Variants in RBFOX1 observed in about 807,000 individuals in gnomAD.
RBFOX1 encodes the protein RNA binding fox-1 homolog 1.
In RBFOX1, 8 loss-of-function variants were observed where a neutral mutation model predicts 57.7. The ratio of observed to expected loss-of-function variants is 0.14; its 90% confidence interval spans 0.08 to 0.25. RBFOX1 has a LOEUF of 0.25. Ranked by LOEUF, RBFOX1 falls within the 10% of genes least tolerant of loss-of-function variation. RBFOX1 has a pLI of 1.00. For synonymous variants in RBFOX1, 326 were observed against 222.4 expected (o/e 1.47, Z -4.15); for missense variants, 611 against 548.5 (o/e 1.11, Z -1.14).
chr16:5,665,900 G>A (rs2049828236), intron 3 of RBFOX1, among the ~76,000 whole-genome samples: 1 of 152,220 alleles, frequency 6.6e-6, no homozygotes, highest in African/African-American at 2.4e-5. Context: ...GCTTCTGAGA[G>A]GCATCTGCTG....
In RBFOX1 at chr16:5,994,773, C is replaced by A. The variant is rs373035120; in HGVS notation, c.351+127438C>A. On this transcript the variant is annotated intron_variant, in intron 4 of 19. Transcript: ENST00000641259. ...GTAGTTTGATGAGCCCTACTCCACACCACAAATTCCTCCTGGGCAAGTCTC... is the reference window on the plus strand; with the variant it reads ...GTAGTTTGATGAGCCCTACTCCACAACACAAATTCCTCCTGGGCAAGTCTC... Among the ~76,000 whole-genome samples the A allele has an allele frequency of 9.2e-5, 14 of 152,322 alleles. No individual in the cohort carries two copies. The South Asian group carries it at 1.0e-3, about 11-fold the overall frequency.
intron 1 of RBFOX1, among the ~76,000 whole-genome samples, chr16:6,213,288 A>G (rs1268050537): frequency 6.6e-6 from 1 of 152,140 alleles, no homozygotes; most frequent in African/African-American, 2.4e-5. Context: ...ATAGGCTGTC[A>G]TGCTTCATTG....
chr16:5,619,450 T>G (rs2048139786), intron 3 of RBFOX1, among the ~76,000 whole-genome samples: 1 of 152,168 alleles, frequency 6.6e-6, no homozygotes, highest in African/African-American at 2.4e-5. Flanking sequence ...TTTTATGACC[T>G]CATCTCTCGC....
At chr16:7,161,698 G>C (rs1303203778) in intron 4 of RBFOX1, among the ~76,000 whole-genome samples, 1 of 152,144 alleles carries the variant, frequency 6.6e-6, no homozygotes, top group Non-Finnish European at 1.5e-5. Flanking sequence ...TTTCTAGTGA[G>C]GGTTTCTGTC....
intron 10 of RBFOX1, among the ~76,000 whole-genome samples, chr16:7,618,621 C>T (rs2058835656): frequency 6.6e-6 from 1 of 151,944 alleles, no homozygotes; most frequent in African/African-American, 2.4e-5. Context: ...TTGTTCTTTT[C>T]AAAATTTATT....
At chr16:7,175,147 C>T (rs748263400) in intron 4 of RBFOX1, among the ~76,000 whole-genome samples, 4 of 151,894 alleles carry the variant, frequency 2.6e-5, no homozygotes, top group Non-Finnish European at 5.9e-5. Flanking sequence ...CCCATCACCT[C>T]GGTATTAAGC....
intron 10 of RBFOX1, among the ~76,000 whole-genome samples, chr16:7,619,280 A>G (rs2058940314): frequency 6.6e-6 from 1 of 152,158 alleles, no homozygotes; most frequent in Non-Finnish European, 1.5e-5. Flanking sequence ...TATTGTAAAG[A>G]TTGAAATCCA....
intron 3 of RBFOX1, among the ~76,000 whole-genome samples, chr16:6,834,923 C>G (rs186533584): frequency 7.0e-6 from 1 of 142,114 alleles, no homozygotes; most frequent in Non-Finnish European, 1.5e-5. Flanking sequence ...GATGGTGTCT[C>G]GCTCTGTTGC....
intron 1 of RBFOX1, among the ~76,000 whole-genome samples, chr16:5,263,576 G>C (rs561646447): frequency 6.6e-5 from 10 of 152,324 alleles, no homozygotes; most frequent in African/African-American, 2.2e-4. Context: ...AGTCATGGGA[G>C]TTCCAAGGGA....
intron 1 of RBFOX1, among the ~76,000 whole-genome samples, chr16:5,463,732 G>C (rs1288806006): frequency 6.6e-6 from 1 of 151,580 alleles, no homozygotes; most frequent in African/African-American, 2.4e-5. Context: ...CCCAGGAGAT[G>C]GAGGTTGCAG....
chr16:5,833,860 C>G (rs1055977811), intron 3 of RBFOX1, among the ~76,000 whole-genome samples: 4 of 152,286 alleles, frequency 2.6e-5, no homozygotes, highest in Non-Finnish European at 5.9e-5. Flanking sequence ...GCATCATGTA[C>G]TATTTGGAAG....
At chr16:5,968,148 C>T (rs1032563160) in intron 4 of RBFOX1, among the ~76,000 whole-genome samples, 7 of 152,150 alleles carry the variant, frequency 4.6e-5, no homozygotes, top group Non-Finnish European at 8.8e-5. Context: ...AATCTTGGCT[C>T]ACTGCAACCT....
At position 5,246,838 on chromosome 16, in the gene RBFOX1, G is replaced by T. The variant is rs111556922; in HGVS notation, c.219+6733G>T. The stretch of plus-strand genomic sequence containing the variant: ...GGCATGCACCACCACGCTCCACTAA[G>T]TTTTGTATTTTTTGTAGAGATGGGG... On this transcript the variant is annotated intron_variant, in intron 1 of 2. Transcript: ENST00000585867. Among the ~76,000 whole-genome samples the T allele has an allele frequency of 9.8e-3, 1,493 of 152,020 alleles. 32 individuals are homozygous for T. The highest frequency in any genetic ancestry group is 0.034 in the African/African-American group (1,422 of 41,466).
chr16:5,473,315 C>T (rs1043200375), intron 2 of RBFOX1, among the ~76,000 whole-genome samples: 16 of 152,184 alleles, frequency 1.1e-4, no homozygotes, highest in African/African-American at 3.1e-4. Flanking sequence ...ACAGACCTTA[C>T]CTGACACCTC....
intron 4 of RBFOX1, among the ~76,000 whole-genome samples, chr16:7,133,405 T>C (rs1001373844): frequency 6.6e-6 from 1 of 152,184 alleles, no homozygotes; most frequent in Non-Finnish European, 1.5e-5. Context: ...ATTGCAATGG[T>C]CATGTTTTTC....
At chr16:6,382,976 G>A (rs984405439) in intron 2 of RBFOX1, among the ~76,000 whole-genome samples, 11 of 152,156 alleles carry the variant, frequency 7.2e-5, no homozygotes, top group Non-Finnish European at 1.6e-4. Flanking sequence ...CAGTATTTAC[G>A]CTGCAGCCAG....
At chr16:6,754,207 G>A (rs1020034192) in intron 3 of RBFOX1, among the ~76,000 whole-genome samples, 1 of 152,170 alleles carries the variant, frequency 6.6e-6, no homozygotes, top group African/African-American at 2.4e-5. Context: ...AGCTAGGAAA[G>A]TGTCTATGCT....
chr16:5,373,795 G>A (rs1183612294), intron 1 of RBFOX1, among the ~76,000 whole-genome samples: 4 of 152,018 alleles, frequency 2.6e-5, no homozygotes, highest in Admixed American at 1.3e-4. Context: ...ATAGAGATGG[G>A]GTTTCACCAT....
chr16:5,682,717 A>T (rs550511518), intron 3 of RBFOX1, among the ~76,000 whole-genome samples: 1 of 152,330 alleles, frequency 6.6e-6, no homozygotes, highest in African/African-American at 2.4e-5. Flanking sequence ...GTCTAACAAC[A>T]CTATGTTGAA....
Sources: gnomAD v4.1 joint callset for allele counts (sites outside exome capture counted in the v4.1 genomes callset) on GRCh38, gnomAD v4.1.1 for gene constraint, MANE v1.5 for transcripts, NCBI Gene and HGNC (gene_info 2026-07-23, HGNC 2026-07-21) for gene names.